H3-3A: variants seen among roughly 807,000 people sequenced by gnomAD.
H3-3A encodes H3.3 histone A.
For synonymous variants in H3-3A, 49 were observed against 61.4 expected, an observed-to-expected ratio of 0.80 and a Z score of 0.95; for missense variants, 7 against 184.0, an observed-to-expected ratio of 0.04 and a Z score of 5.57.
At chr1:226,064,817 A>G (rs1657870015) in intron 2 of H3-3A, among the ~76,000 whole-genome samples, 1 of 152,192 alleles carries the variant, frequency 6.6e-6, no homozygotes. Flanking sequence ...TCTTGAATAC[A>G]CTTTTGAGGT....
At chr1:226,070,991 G>A (rs912006765) in intron 3 of H3-3A, among the ~76,000 whole-genome samples, 1 of 152,148 alleles carries the variant, frequency 6.6e-6, no homozygotes, top group Admixed American at 6.5e-5. Context: ...TATTTGGATT[G>A]GACATGATTG....
intron 3 of H3-3A, chr1:226,066,139 G>A: frequency 2.3e-6 from 1 of 429,242 alleles, no homozygotes; most frequent in Non-Finnish European, 4.2e-6. Context: ...AGAAGAACTT[G>A]AGACTAGAGG....
chr1:226,070,469 C>T (rs751109511), intron 3 of H3-3A, among the ~76,000 whole-genome samples: 1 of 142,914 alleles, frequency 7.0e-6, no homozygotes, highest in Non-Finnish European at 1.5e-5. Flanking sequence ...GAGACTCCGT[C>T]TCAAAATAAA....
chr1:226,071,074 G>A (rs1457178665), intron 3 of H3-3A, among the ~76,000 whole-genome samples: 1 of 152,146 alleles, frequency 6.6e-6, no homozygotes, highest in African/African-American at 2.4e-5. Context: ...TAGAAATCAT[G>A]TTACCATTAG....
At chr1:226,065,411 TA>T (rs1558101534) in intron 2 of H3-3A, among the ~76,000 whole-genome samples, 1 of 152,194 alleles carries the variant, frequency 6.6e-6, no homozygotes, top group Non-Finnish European at 1.5e-5. Context: ...AAAATGAAAA[TA>T]AATAGGGCTT....
At chr1:226,071,290 AGTTGG>A (rs1256317094) in intron 3 of H3-3A, 56 bp from the exon 4 acceptor site, 11 of 1,375,646 alleles carry the variant, frequency 8.0e-6, no homozygotes, top group African/African-American at 1.4e-5. Flanking sequence ...TAATTCGTAT[AGTTGG>A]GTCTTAACTA....
At chr1:226,064,920 CCTT>C (rs1210913862) in intron 2 of H3-3A, among the ~76,000 whole-genome samples, 1 of 152,104 alleles carries the variant, frequency 6.6e-6, no homozygotes, top group Non-Finnish European at 1.5e-5. Context: ...TAGCTTATTT[CCTT>C]CTGTATTAGC....
At chr1:226,064,550 G>T in intron 2 of H3-3A, 71 bp downstream of exon 2, 2 of 1,303,770 alleles carry the variant, frequency 1.5e-6, no homozygotes, top group Middle Eastern at 2.0e-4. Flanking sequence ...ACAAAAAGAT[G>T]GATAACAGGA....
chr1:226,063,255 C>T (rs577540067), intron 1 of H3-3A, among the ~76,000 whole-genome samples: 9 of 152,272 alleles, frequency 5.9e-5, no homozygotes, highest in Admixed American at 3.9e-4. Flanking sequence ...GCTGCCTCCC[C>T]ACAGTTGTTG....
chr1:226,064,125 C>T (rs745969623), intron 1 of H3-3A: 25 of 431,292 alleles, frequency 5.8e-5, no homozygotes, highest in Non-Finnish European at 1.0e-4. Context: ...ATTGATACTG[C>T]TAACAATTTT....
At chr1:226,070,780 AAGAAAG>A (rs1322134809) in intron 3 of H3-3A, among the ~76,000 whole-genome samples, 1 of 6,722 alleles carries the variant, frequency 1.5e-4, no homozygotes, top group South Asian at 0.1. Flanking sequence ...CTCAGAAAGA[AAGAAAG>A]AAATACGGAA....
chr1:226,065,850 T>A (rs911847421), intron 3 of H3-3A, 41 bp downstream of exon 3: 1 of 1,461,506 alleles, frequency 6.8e-7, no homozygotes, highest in Non-Finnish European at 9.4e-7. Flanking sequence ...TGTATTCCTG[T>A]TGTGTACCAA....
intron 3 of H3-3A, among the ~76,000 whole-genome samples, chr1:226,070,608 C>CTA (rs1482071317): frequency 6.6e-6 from 1 of 152,000 alleles, no homozygotes; most frequent in East Asian, 1.9e-4. Context: ...CCCTTCTCTA[C>CTA]TAAAAATACA....
chr1:226,064,849 AAAT>A (rs1657871554), intron 2 of H3-3A, among the ~76,000 whole-genome samples: 2 of 152,314 alleles, frequency 1.3e-5, no homozygotes, highest in Admixed American at 6.5e-5. Context: ...GTTTTTGGCA[AAAT>A]AATAATATAA....
intron 3 of H3-3A, chr1:226,067,298 G>A (rs1657960517): frequency 6.6e-6 from 1 of 152,104 alleles, no homozygotes. Context: ...CATTAAGTGT[G>A]GTTGTATTGG....
At chr1:226,062,548 G>C (rs1376502552), upstream of H3-3A, 1 of 149,278 alleles carries the variant, frequency 6.7e-6, no homozygotes, top group Non-Finnish European at 1.5e-5. Flanking sequence ...GCGCGGGGGA[G>C]GGGCGAGCGC....
At chr1:226,070,219 C>T (rs1658063729) in intron 3 of H3-3A, among the ~76,000 whole-genome samples, 1 of 152,120 alleles carries the variant, frequency 6.6e-6, no homozygotes, top group South Asian at 2.1e-4. Flanking sequence ...CGGTGGCTCA[C>T]TCCTGTAATC....
At position 226,065,815 on chromosome 1, in the gene H3-3A, ATGG is replaced by A; in HGVS notation, c.282+10_282+12del. 1 of 1,589,458 alleles carries A rather than the reference ATGG, an allele frequency of 6.3e-7. No homozygotes were observed. Among genetic ancestry groups the A allele is most frequent in the Non-Finnish European group, 8.6e-7 (1 of 1,165,308 alleles). ...CAGCTATCGGTGCTTTGCAGGTAAA[ATGG>A]TGGGTGGGAAGACTCAGAGTTTGTA... On this transcript the variant is annotated splice_region_variant and intron_variant, in intron 3 of 3. Transcript: ENST00000366815.
At chr1:226,064,541 C>A in intron 2 of H3-3A, 62 bp downstream of exon 2, 7 of 1,356,220 alleles carry the variant, frequency 5.2e-6, no homozygotes, top group East Asian at 2.4e-5. Context: ...CATAATTTAA[C>A]AAAAAGATGG....
Sources: allele counts gnomAD v4.1 joint callset (sites outside exome capture counted in the v4.1 genomes callset), GRCh38; gene constraint gnomAD v4.1.1; transcripts MANE v1.5; gene names NCBI Gene and HGNC (gene_info 2026-07-23, HGNC 2026-07-21).